The following CACNB4 variants were observed in gnomAD, a reference collection of about 807,000 sequenced individuals.
CACNB4 encodes the protein calcium voltage-gated channel auxiliary subunit beta 4.
In CACNB4, 32 loss-of-function variants were observed where a neutral mutation model predicts 71.2. The observed-to-expected ratio is 0.45, with a 90% CI of 0.34 to 0.60. The LOEUF (loss-of-function observed/expected upper bound fraction) is 0.60, where lower values mean the gene tolerates loss of function less well. CACNB4 is among the 20% of genes least tolerant of loss of function. The probability of loss-of-function intolerance (pLI) is 0.01; values close to 1 mark genes in which losing one functional copy is unlikely to be tolerated. For missense variants in CACNB4, 464 were observed against 647.9 expected (o/e 0.72, Z 3.08); for synonymous variants, 231 against 236.9 (o/e 0.97, Z 0.23).
chr2:152,014,994 G>A (rs1409340789), intron 2 of CACNB4, among the ~76,000 whole-genome samples: 1 of 152,168 alleles, frequency 6.6e-6, no homozygotes, highest in Non-Finnish European at 1.5e-5. Flanking sequence ...TGTACAAAGT[G>A]CTCGTTTGTC....
chr2:151,973,576 G>C (rs376078341), intron 2 of CACNB4: 1 of 1,161,682 alleles, frequency 8.6e-7, no homozygotes, highest in East Asian at 2.5e-5. Flanking sequence ...TGTTCCCTGC[G>C]TTGCCTAAGA....
intron 12 of CACNB4, among the ~76,000 whole-genome samples, chr2:151,845,507 G>T (rs187700831): frequency 2.0e-5 from 3 of 152,248 alleles, no homozygotes; most frequent in African/African-American, 4.8e-5. Context: ...AATCATACAA[G>T]AAATGCAAAA....
At chr2:152,049,974 C>T (rs1685336667) in intron 2 of CACNB4, among the ~76,000 whole-genome samples, 1 of 152,252 alleles carries the variant, frequency 6.6e-6, no homozygotes, top group Non-Finnish European at 1.5e-5. Context: ...ACCAACCAGA[C>T]CACAGTATGG....
chr2:151,896,548 C>G (rs776086622), intron 2 of CACNB4, among the ~76,000 whole-genome samples: 1 of 152,148 alleles, frequency 6.6e-6, no homozygotes, highest in Non-Finnish European at 1.5e-5. Context: ...GGTAACCACA[C>G]GATACCCACC....
At chr2:152,087,698 CA>C (rs1687739458) in intron 2 of CACNB4, among the ~76,000 whole-genome samples, 1 of 151,842 alleles carries the variant, frequency 6.6e-6, no homozygotes, top group East Asian at 1.9e-4. Flanking sequence ...GGCAACATAG[CA>C]AGACCCCATC....
At chr2:151,884,924 G>T (rs2099848967) in intron 2 of CACNB4, among the ~76,000 whole-genome samples, 1 of 152,218 alleles carries the variant, frequency 6.6e-6, no homozygotes, top group Non-Finnish European at 1.5e-5. Context: ...CCATATAGCT[G>T]AGAATCTGCT....
At chr2:151,960,089 C>CTG (rs78007401) in intron 2 of CACNB4, among the ~76,000 whole-genome samples, 4,381 of 152,208 alleles carry the variant, frequency 0.029, 63 homozygotes, top group African/African-American at 0.039. Flanking sequence ...AGTCCTTAAA[C>CTG]TGTGAAAATG....
intron 4 of CACNB4, among the ~76,000 whole-genome samples, chr2:151,878,154 T>C (rs2099846925): frequency 6.6e-6 from 1 of 152,124 alleles, no homozygotes. Context: ...ATATGTAGTA[T>C]ATTTTGCTGA....
intron 2 of CACNB4, among the ~76,000 whole-genome samples, chr2:151,898,057 G>T (rs114291299): frequency 6.4e-4 from 98 of 152,250 alleles, no homozygotes; most frequent in African/African-American, 2.2e-3. Context: ...TAAAGGTATT[G>T]GCTGAAATGA....
chr2:152,096,223 C>T (rs980333591), intron 2 of CACNB4, among the ~76,000 whole-genome samples: 3 of 152,176 alleles, frequency 2.0e-5, no homozygotes, highest in African/African-American at 7.2e-5. Flanking sequence ...GTGGCTCACG[C>T]CTGTAATCCC....
intron 12 of CACNB4, among the ~76,000 whole-genome samples, chr2:151,848,180 A>T (rs945278932): frequency 1.3e-5 from 2 of 152,224 alleles, no homozygotes; most frequent in African/African-American, 2.4e-5. Flanking sequence ...GATGTGCTAG[A>T]TCATAGCATT....
chr2:151,953,794 T>C (rs1463355988), intron 2 of CACNB4, among the ~76,000 whole-genome samples: 1 of 152,232 alleles, frequency 6.6e-6, no homozygotes, highest in Non-Finnish European at 1.5e-5. Context: ...TAGCACAGTG[T>C]TGGAAGTTCC....
chr2:152,084,595 T>G (rs1052870852), intron 2 of CACNB4, among the ~76,000 whole-genome samples: 1 of 152,178 alleles, frequency 6.6e-6, no homozygotes, highest in Non-Finnish European at 1.5e-5. Context: ...CAACTTCTGC[T>G]GCTGCTTCTG....
chr2:152,022,532 T>G (rs964942563), intron 2 of CACNB4, among the ~76,000 whole-genome samples: 3 of 152,220 alleles, frequency 2.0e-5, no homozygotes, highest in Non-Finnish European at 2.9e-5. Context: ...GGACAAGAAG[T>G]GCAATATTCC....
At position 151,836,745 on chromosome 2, in the gene CACNB4, A is replaced by G. The variant is rs1222021477; in HGVS notation, c.*2374T>C. 1 of 151,962 alleles carries G rather than the reference A, an allele frequency of 6.6e-6. No homozygotes were observed. Among genetic ancestry groups the G allele is most frequent in the African/African-American group, 2.4e-5 (1 of 41,448 alleles). The allele number at this position is 151,962 out of a possible 1,614,324, so 9.4% of individuals were successfully genotyped here. The stretch of plus-strand genomic sequence containing the variant: ...TTTGAAAAACCTTTAAAAACAAGTG[A>G]CTTTTAAAAAGTTGAAAGAAGATGG... On this transcript the variant is annotated 3_prime_UTR_variant, in exon 14 of 14. Coordinates refer to ENST00000539935, the MANE Select transcript of CACNB4 (RefSeq NM_000726.5).
At chr2:152,084,904 C>A (rs1687569903) in intron 2 of CACNB4, among the ~76,000 whole-genome samples, 1 of 151,930 alleles carries the variant, frequency 6.6e-6, no homozygotes, top group South Asian at 2.1e-4. Flanking sequence ...GGATTACAGG[C>A]GTGATTACGG....
At chr2:152,074,593 C>G (rs1243704815) in intron 2 of CACNB4, among the ~76,000 whole-genome samples, 1 of 146,740 alleles carries the variant, frequency 6.8e-6, no homozygotes. Context: ...TACTACCGTC[C>G]CCACCCTCCT....
intron 2 of CACNB4, among the ~76,000 whole-genome samples, chr2:152,038,637 C>CT (rs1684718743): frequency 6.6e-6 from 1 of 152,178 alleles, no homozygotes; most frequent in Non-Finnish European, 1.5e-5. Context: ...CTGAGACTTC[C>CT]TTTTCCTCTT....
At chr2:152,001,864 T>C (rs1321646954) in intron 2 of CACNB4, among the ~76,000 whole-genome samples, 3 of 152,122 alleles carry the variant, frequency 2.0e-5, no homozygotes, top group African/African-American at 7.2e-5. Context: ...GTGTAAATGG[T>C]CAGCAAGAGC....
Sources: allele counts gnomAD v4.1 joint callset (sites outside exome capture counted in the v4.1 genomes callset), GRCh38; gene constraint gnomAD v4.1.1; transcripts MANE v1.5; gene names NCBI Gene and HGNC (gene_info 2026-07-23, HGNC 2026-07-21).